The following PRRC2C variants were observed in gnomAD, a reference collection of about 807,000 sequenced individuals.
The protein encoded by PRRC2C is protein PRRC2C.
A neutral mutation model predicts 317.2 loss-of-function variants in PRRC2C; 72 were observed. That is an observed-to-expected ratio of 0.23 (90% CI 0.19 to 0.28). PRRC2C has a LOEUF of 0.28. Among genes scored for constraint, PRRC2C ranks in the 10% least tolerant of loss-of-function variants. PRRC2C has a pLI of 1.00. For synonymous variants in PRRC2C, 1,296 were observed against 1,205.9 expected (o/e 1.07, Z -1.55); for missense variants, 3,074 against 3,459.7 (o/e 0.89, Z 2.80).
chr1:171,514,670 C>T (rs1437213079), intron 4 of PRRC2C, 25 bp downstream of exon 4: 1 of 1,534,918 alleles, frequency 6.5e-7, no homozygotes, highest in Admixed American at 2.0e-5. Flanking sequence ...GTTGGGGAAG[C>T]TGCCTAGGCT....
At chr1:171,578,925 A>G (rs1647858419) in intron 26 of PRRC2C, among the ~76,000 whole-genome samples, 1 of 152,248 alleles carries the variant, frequency 6.6e-6, no homozygotes, top group South Asian at 2.1e-4. Context: ...ATACATAGAA[A>G]TGTGTTTAAA....
chr1:171,566,839 C>T lies in PRRC2C; in HGVS notation c.6554C>T (p.Ala2185Val), dbSNP rs1359227743. Residue 2185 changes from alanine to valine, a missense_variant, in exon 22 of 35, where the codon GCA (alanine) becomes GTA (valine). Transcript: ENST00000647382. ...SVSSAEYGTN[A>V]KESVTDYTTP... ...TCATCTGCAGAATATGGTACTAATGCAAAGGTAAGCCACATGTAGGGATTA... is the reference window on the plus strand; with the variant it reads ...TCATCTGCAGAATATGGTACTAATGTAAAGGTAAGCCACATGTAGGGATTA... 1 of 1,609,988 alleles carries T rather than the reference C, an allele frequency of 6.2e-7. No homozygotes were observed. Among genetic ancestry groups the T allele is most frequent in the Admixed American group, 1.7e-5 (1 of 59,394 alleles).
At chr1:171,488,585 C>T (rs1171168331) in intron 1 of PRRC2C, among the ~76,000 whole-genome samples, 1 of 152,188 alleles carries the variant, frequency 6.6e-6, no homozygotes, top group African/African-American at 2.4e-5. Flanking sequence ...GCCTCAGCCT[C>T]CCAGGTAGCT....
intron 17 of PRRC2C, among the ~76,000 whole-genome samples, chr1:171,547,096 G>T (rs1274461745): frequency 6.6e-6 from 1 of 152,042 alleles, no homozygotes; most frequent in Non-Finnish European, 1.5e-5. Flanking sequence ...GGTGGTGCAT[G>T]CCTGTAAAAA....
chr1:171,541,296 C>T lies in PRRC2C; in HGVS notation c.3830C>T (p.Ala1277Val). The T allele has an allele frequency of 6.2e-7, 1 of 1,613,910 alleles. No individual in the cohort carries two copies. The highest frequency in any genetic ancestry group is 2.2e-5 in the East Asian group (1 of 44,880). ...ACAGACAGTGAAATTCATGAAAGTG[C>T]AAGTGACAAGGACAGTTTAAGTAAA... ...TDTDSEIHES[A>V]SDKDSLSKGK... The change falls in exon 16 of 35, where the codon GCA becomes GTA. Residue 1277 changes from alanine to valine, a missense_variant. This residue lies in a region of PRRC2C where 1,320 missense variants were observed against 1,395.7 expected (regional missense o/e 0.95). Coordinates refer to ENST00000647382, the MANE Select transcript of PRRC2C (RefSeq NM_001387844.1). This position sits in a 1 kb window ranked among gnomAD's most constrained non-coding sequence, Gnocchi z 4.1.
intron 17 of PRRC2C, among the ~76,000 whole-genome samples, chr1:171,548,254 C>T (rs141867018): frequency 3.4e-4 from 52 of 152,314 alleles, no homozygotes; most frequent in Non-Finnish European, 6.3e-4. Flanking sequence ...CAGGTGTGAA[C>T]CACCATGCCC....
chr1:171,511,999 A>T, intron 1 of PRRC2C, 33 bp from the exon 2 acceptor site: 1 of 614,722 alleles, frequency 1.6e-6, no homozygotes. Flanking sequence ...TGAGTTTTTC[A>T]TCCTTATTTT....
At chr1:171,499,901 C>T (rs767662949) in intron 1 of PRRC2C, among the ~76,000 whole-genome samples, 11 of 152,194 alleles carry the variant, frequency 7.2e-5, no homozygotes, top group Non-Finnish European at 1.6e-4. Flanking sequence ...AAATGGTTTA[C>T]ACAGATGCTA....
chr1:171,524,406 G>A (rs1178447603), intron 9 of PRRC2C, among the ~76,000 whole-genome samples: 2 of 152,262 alleles, frequency 1.3e-5, no homozygotes, highest in African/African-American at 2.4e-5. Context: ...TTTTATGATC[G>A]TTTAAGAGAT....
rs774976986 is a variant in PRRC2C, at chr1:171,574,915, G to T, written c.6754-12G>T. ...ATCATTTTTTTACTATAAAATGTCC[G>T]TTTTATTGCAGATGGAGTCTGCACG... On this transcript the variant is annotated splice_polypyrimidine_tract_variant and intron_variant, in intron 24 of 34. Transcript: ENST00000647382. 4 of 1,611,798 alleles carry T rather than the reference G, an allele frequency of 2.5e-6. No individual in the cohort carries two copies. The Admixed American group carries it at 6.7e-5, about 27-fold the overall frequency.
At chr1:171,516,183 A>T (rs1182977815) in intron 5 of PRRC2C, among the ~76,000 whole-genome samples, 1 of 152,218 alleles carries the variant, frequency 6.6e-6, no homozygotes, top group African/African-American at 2.4e-5. Context: ...CCTAATGTGT[A>T]ACTATTTACT....
chr1:171,547,676 C>A (rs756989781), intron 17 of PRRC2C, among the ~76,000 whole-genome samples: 42 of 117,866 alleles, frequency 3.6e-4, no homozygotes, highest in Non-Finnish European at 6.0e-4. Flanking sequence ...CACAGTCTTG[C>A]TCTGTCCCCC....
intron 1 of PRRC2C, among the ~76,000 whole-genome samples, chr1:171,504,268 ATCTT>A (rs1669761563): frequency 6.6e-6 from 1 of 152,164 alleles, no homozygotes; most frequent in African/African-American, 2.4e-5. Flanking sequence ...TCTCAACATT[ATCTT>A]TCAAAAAGCA....
rs138965743 is a variant in PRRC2C at position 171,540,384 on chromosome 1, G to C, written c.2918G>C (p.Gly973Ala). The change falls in exon 16 of 35, where the codon GGC (glycine) becomes GCC (alanine). Residue 973 changes from glycine (G) to alanine (A), a missense_variant. Coordinates refer to ENST00000647382, the MANE Select transcript of PRRC2C (RefSeq NM_001387844.1). ...ERPEEKPKKE[G>A]FIRSSEGPKP... is the part of the protein sequence containing the mutation. ...CCAGAGGAGAAACCAAAAAAGGAAG[G>C]CTTTATACGATCTTCTGAAGGACCA... The C allele has an allele frequency of 6.2e-7, 1 of 1,613,026 alleles. No homozygotes were observed. Among genetic ancestry groups the C allele is most frequent in the Middle Eastern group, 1.7e-4 (1 of 6,058 alleles).
rs1439696477 is a variant in PRRC2C, at chr1:171,490,990, G to T, written c.-58+5255G>T. On this transcript the variant is annotated intron_variant, in intron 1 of 34. Transcript: ENST00000647382. ...AATATCCATTTCCCCTATCTCAGAG[G>T]ACTATTGCAAAGAGTACATTTATGT... 3.9e-5 allele frequency among the ~76,000 whole-genome samples: 6 copies of T among 152,178 alleles called. No individual in the cohort carries two copies. In the East Asian group the frequency reaches 1.2e-3, roughly 29 times the overall value.
At chr1:171,529,675 C>T (rs993028150) in intron 11 of PRRC2C, among the ~76,000 whole-genome samples, 2 of 152,200 alleles carry the variant, frequency 1.3e-5, no homozygotes, top group African/African-American at 4.8e-5. Flanking sequence ...GCTCACTTGC[C>T]ACCTTCATCC....
At chr1:171,551,510 G>A (rs766761116) in intron 18 of PRRC2C, among the ~76,000 whole-genome samples, 10 of 152,076 alleles carry the variant, frequency 6.6e-5, no homozygotes, top group Non-Finnish European at 1.5e-4. Context: ...CATTGCTTTT[G>A]GTATTTTAGT....
At chr1:171,565,827 T>C (rs1388734395) in intron 20 of PRRC2C, among the ~76,000 whole-genome samples, 1 of 152,240 alleles carries the variant, frequency 6.6e-6, no homozygotes, top group Non-Finnish European at 1.5e-5. Flanking sequence ...TTATATTTCT[T>C]AAATTTCATT....
chr1:171,552,448 C>T (rs1423789980), intron 18 of PRRC2C, among the ~76,000 whole-genome samples: 1 of 152,126 alleles, frequency 6.6e-6, no homozygotes, highest in Non-Finnish European at 1.5e-5. Flanking sequence ...ATTGAATATC[C>T]TTTATTTATT....
Sources: allele counts gnomAD v4.1 joint callset (sites outside exome capture counted in the v4.1 genomes callset), GRCh38; gene constraint gnomAD v4.1.1; regional missense constraint gnomAD v4.1.1; non-coding constraint Gnocchi (gnomAD v3.1); transcripts MANE v1.5; gene names NCBI Gene and HGNC (gene_info 2026-07-23, HGNC 2026-07-21).